SPDYE3: variants seen among roughly 807,000 people sequenced by gnomAD.
SPDYE3 encodes speedy protein E3.
In SPDYE3, 15 loss-of-function variants were observed where a neutral mutation model predicts 55.0. The observed-to-expected ratio is 0.27, with a 90% CI of 0.18 to 0.42. The LOEUF (loss-of-function observed/expected upper bound fraction) is 0.42, where lower values mean the gene tolerates loss of function less well. Among genes scored for constraint, SPDYE3 ranks in the 10% least tolerant of loss-of-function variants. The probability of loss-of-function intolerance (pLI) is 1.00; values close to 1 mark genes in which losing one functional copy is unlikely to be tolerated. For missense variants in SPDYE3, 236 were observed against 576.7 expected (o/e 0.41, Z 6.05); for synonymous variants, 89 against 229.9 (o/e 0.39, Z 5.55).
In SPDYE3 at chr7:100,321,216, T is replaced by C. The variant is rs187908510; in HGVS notation, c.*371T>C. ...GAGGTCCTGTTTCTTACGGACTTGG[T>C]TGCCACAGTCCAGGAGCATTTGAAG... On this transcript the variant is annotated 3_prime_UTR_variant, in exon 11 of 11. Coordinates refer to ENST00000332397, the MANE Select transcript of SPDYE3 (RefSeq NM_001004351.5). The C allele has an allele frequency of 4.8e-4, 226 of 471,824 alleles. No homozygotes were observed. Among genetic ancestry groups the C allele is most frequent in the Middle Eastern group, 4.3e-3 (6 of 1,386 alleles). 29.2% of individuals were successfully genotyped at this position (471,824 alleles called of 1,614,324 possible). A position where few individuals can be genotyped will look rare whatever the true frequency, so the allele number is the denominator to read the frequency against.
At chr7:100,308,102 G>C (rs1805868026) in intron 1 of SPDYE3, 111 bp downstream of exon 1, 1 of 1,351,614 alleles carries the variant, frequency 7.4e-7, no homozygotes, top group Admixed American at 2.5e-5. Flanking sequence ...GGCCGAGGCG[G>C]GCAGATCACC....
chr7:100,308,669 A>C (rs1050564571), intron 1 of SPDYE3, among the ~76,000 whole-genome samples: 1 of 151,734 alleles, frequency 6.6e-6, no homozygotes, highest in Non-Finnish European at 1.5e-5. Flanking sequence ...AGATTGTACC[A>C]CTACACTCCA....
chr7:100,315,833 T>A lies in SPDYE3; in HGVS notation c.1250T>A (p.Val417Glu). The A allele has an allele frequency of 6.2e-7, 1 of 1,600,310 alleles. No homozygotes were observed. Among genetic ancestry groups the A allele is most frequent in the Non-Finnish European group, 8.5e-7 (1 of 1,179,740 alleles). ...CTGGCCTGGGACAAAGATCTGAGGGTGTCAGACAAGGTAAGGTTGTTCTCT... is the reference window on the plus strand; with the variant it reads ...CTGGCCTGGGACAAAGATCTGAGGGAGTCAGACAAGGTAAGGTTGTTCTCT... ...RFLAWDKDLR[V>E]SDKYLLAMVI... Residue 417 changes from valine (V) to glutamate (E), a missense_variant, in exon 7 of 11, where the codon GTG becomes GAG. Val to Glu is a moderately radical substitution (Grantham distance 121). Coordinates refer to ENST00000332397, the MANE Select transcript of SPDYE3 (RefSeq NM_001004351.5).
At position 100,319,787 on chromosome 7, in the gene SPDYE3, T is replaced by C; in HGVS notation, c.1569T>C (p.Val523=). The C allele has an allele frequency of 6.2e-7, 1 of 1,614,142 alleles. No homozygotes were observed. The highest frequency in any genetic ancestry group is 1.1e-5 in the South Asian group (1 of 91,088). ...FFCSMRCRAW[V]SPEELEEIQA... Reference sequence around the variant, plus strand: ...GTTCCATGCGCTGCAGGGCTTGGGTTTCCCCGGAGGAGTTGGAGGAGGTGG... The same window carrying C: ...GTTCCATGCGCTGCAGGGCTTGGGTCTCCCCGGAGGAGTTGGAGGAGGTGG... The change falls in exon 9 of 11, where the codon GTT becomes GTC. Residue 523 remains valine, a synonymous_variant. Transcript: ENST00000332397.
chr7:100,307,943 G>A lies in SPDYE3; in HGVS notation c.58G>A (p.Gly20Arg), dbSNP rs1437270425. The change falls in exon 1 of 11, where the codon GGG (glycine) becomes AGG (arginine). Residue 20 changes from glycine (G) to arginine (R), a missense_variant. Physicochemically the swap from Gly to Arg is moderately radical, Grantham distance 125. Transcript: ENST00000332397. ...EEQSPQRSTSGYPLQEVVDDE... is the reference protein window; with the variant it reads ...EEQSPQRSTSRYPLQEVVDDE... The stretch of plus-strand genomic sequence containing the variant: ...GCAGAGCCCCCAGCGGAGCACCTCA[G>A]GGTACCCCCTCCAGGAGGTGGTGGA... 6.3e-7 allele frequency: 1 copy of A among 1,578,600 alleles called. No individual in the cohort carries two copies. Among genetic ancestry groups the A allele is most frequent in the Non-Finnish European group, 8.5e-7 (1 of 1,170,774 alleles).
intron 7 of SPDYE3, among the ~76,000 whole-genome samples, chr7:100,316,862 C>T (rs1368694150): frequency 6.6e-6 from 1 of 152,174 alleles, no homozygotes; most frequent in Admixed American, 6.5e-5. Flanking sequence ...GGGAGCATCA[C>T]CTAAAACCCT....
At chr7:100,318,058 C>T (rs1282987864) in intron 8 of SPDYE3, among the ~76,000 whole-genome samples, 5 of 151,746 alleles carry the variant, frequency 3.3e-5, no homozygotes, top group Admixed American at 2.6e-4. Context: ...AGCGGAGGAG[C>T]GGACATGACA....
At chr7:100,318,754 C>T (rs1027381888) in intron 8 of SPDYE3, among the ~76,000 whole-genome samples, 3 of 149,188 alleles carry the variant, frequency 2.0e-5, no homozygotes, top group African/African-American at 7.4e-5. Context: ...ACAGACTTGC[C>T]CTGTCCCCTA....
At chr7:100,320,545 A>T (rs1789559204) in intron 10 of SPDYE3, 1 of 955,806 alleles carries the variant, frequency 1.0e-6, no homozygotes, top group Non-Finnish European at 1.3e-6. Context: ...CACAGTTACA[A>T]GTTTAGATCT....
intron 8 of SPDYE3, among the ~76,000 whole-genome samples, chr7:100,318,446 A>C (rs571464175): frequency 9.9e-5 from 15 of 152,128 alleles, no homozygotes; most frequent in South Asian, 2.1e-4. Flanking sequence ...TGCTCCTTCC[A>C]AATGCCCTCC....
intron 2 of SPDYE3, 79 bp from the exon 3 acceptor site, chr7:100,310,281 A>AGTGGTTT (rs1805927951): frequency 3.4e-6 from 3 of 871,842 alleles, no homozygotes; most frequent in Non-Finnish European, 5.1e-6. Context: ...GAGGATGGAG[A>AGTGGTTT]GTGGTTTGGG....
At chr7:100,312,833 A>C (rs1359789455) in intron 4 of SPDYE3, among the ~76,000 whole-genome samples, 1 of 142,568 alleles carries the variant, frequency 7.0e-6, no homozygotes, top group East Asian at 2.0e-4. Context: ...CTGAGATTGC[A>C]CCACTACACT....
chr7:100,308,286 G>A (rs1337803157), intron 1 of SPDYE3, among the ~76,000 whole-genome samples: 2 of 148,964 alleles, frequency 1.3e-5, no homozygotes, highest in Admixed American at 6.7e-5. Flanking sequence ...AGCCGAGATC[G>A]TGCTACTGCA....
chr7:100,319,110 T>C (rs1161906254), intron 8 of SPDYE3, among the ~76,000 whole-genome samples: 1 of 152,062 alleles, frequency 6.6e-6, no homozygotes, highest in African/African-American at 2.4e-5. Context: ...GGGGTTTCTC[T>C]GTGTTGGCCA....
chr7:100,318,879 C>T (rs565576882), intron 8 of SPDYE3, among the ~76,000 whole-genome samples: 14 of 143,100 alleles, frequency 9.8e-5, no homozygotes, highest in East Asian at 4.1e-4. Context: ...TGCCACCACA[C>T]CTGGACAGTT....
chr7:100,322,098 C>T lies in SPDYE3; in HGVS notation c.*1253C>T, dbSNP rs182914492. The T allele has an allele frequency of 2.1e-4, 32 of 151,998 alleles. No homozygotes were observed. Among genetic ancestry groups the T allele is most frequent in the African/African-American group, 7.5e-4 (31 of 41,486 alleles). The allele number at this position is 151,998 out of a possible 1,614,324, so 9.4% of individuals were successfully genotyped here. ...TACATATGCTGCTGAAGGGAGCAGACTTTTTATCTATGATACTTAGTTAAT... is the reference window on the plus strand; with the variant it reads ...TACATATGCTGCTGAAGGGAGCAGATTTTTTATCTATGATACTTAGTTAAT... On this transcript the variant is annotated 3_prime_UTR_variant, in exon 11 of 11. Coordinates refer to ENST00000332397, the MANE Select transcript of SPDYE3 (RefSeq NM_001004351.5).
At chr7:100,315,901 C>A in intron 7 of SPDYE3, 58 bp downstream of exon 7, 1 of 1,595,784 alleles carries the variant, frequency 6.3e-7, no homozygotes, top group Middle Eastern at 2.2e-4. Context: ...AGGGGGAGGG[C>A]GCAGCTTCCA....
At chr7:100,315,915 C>G (rs2129970661) in intron 7 of SPDYE3, 72 bp downstream of exon 7, 1 of 1,590,590 alleles carries the variant, frequency 6.3e-7, no homozygotes, top group Non-Finnish European at 8.5e-7. Flanking sequence ...GCTTCCAAAC[C>G]CACAGTTCTC....
rs1216680209 is a variant in SPDYE3 at position 100,319,728 on chromosome 7, G to C, written c.1510G>C (p.Ala504Pro). Residue 504 changes from alanine to proline, a missense_variant, in exon 9 of 11, where the codon GCC (alanine) becomes CCC (proline). By Grantham distance (27) the Ala-to-Pro change is conservative. Transcript: ENST00000332397. ...PRARKNCSQI[A>P]LFQKRRFQFF... ...GGCCAGGAAGAACTGCTCTCAGATAGCCTTGTTCCAGAAGCGTCGGTTCCA... is the reference window on the plus strand; with the variant it reads ...GGCCAGGAAGAACTGCTCTCAGATACCCTTGTTCCAGAAGCGTCGGTTCCA... The C allele has an allele frequency of 1.3e-5, 21 of 1,614,200 alleles. No homozygotes were observed. Among genetic ancestry groups the C allele is most frequent in the Non-Finnish European group, 1.8e-5 (21 of 1,180,038 alleles).
Sources: allele counts gnomAD v4.1 joint callset (sites outside exome capture counted in the v4.1 genomes callset), GRCh38; gene constraint gnomAD v4.1.1; transcripts MANE v1.5; gene names NCBI Gene and HGNC (gene_info 2026-07-23, HGNC 2026-07-21).